The following TTF1 variants were observed in gnomAD, a reference collection of about 807,000 sequenced individuals.
TTF1 encodes the protein transcription termination factor 1, also known as transcription termination factor, RNA polymerase I.
Under a neutral mutation model 80.2 loss-of-function variants are expected in TTF1, and 64 were observed. That is an observed-to-expected ratio of 0.80 (90% CI 0.65 to 0.98). The LOEUF (loss-of-function observed/expected upper bound fraction) is 0.98. TTF1 is among the 50% of genes least tolerant of loss of function. TTF1 has a pLI of 0.00. For missense variants in TTF1, 1,023 were observed against 1,086.2 expected (o/e 0.94, Z 0.82); for synonymous variants, 372 against 382.7 (o/e 0.97, Z 0.33).
chr9:132,383,086 A>AT (rs747509919), intron 9 of TTF1, among the ~76,000 whole-genome samples: 7 of 150,032 alleles, frequency 4.7e-5, no homozygotes, highest in South Asian at 2.1e-4. Context: ...AAATTAACTA[A>AT]TTAAAAAAAA....
intron 6 of TTF1, 119 bp downstream of exon 6, chr9:132,391,957 C>A: frequency 6.8e-7 from 1 of 1,474,282 alleles, no homozygotes; most frequent in Non-Finnish European, 9.1e-7. Flanking sequence ...GCTTAAGAAA[C>A]AAAGCTCTTG....
rs1385117699 is a variant in TTF1 at position 132,384,185 on chromosome 9, T to A, written c.2378+2371A>T. On this transcript the variant is annotated intron_variant, in intron 9 of 10. Coordinates refer to ENST00000334270, the MANE Select transcript of TTF1 (RefSeq NM_007344.4). This position sits in a 1 kb window ranked among gnomAD's most constrained non-coding sequence, Gnocchi z 4.1. ...TGGGTACATGAAGCTTCATTTATTT[T>A]GTATCTGTCTAAAATTTTCCTAATA... Among the ~76,000 whole-genome samples the A allele has an allele frequency of 6.6e-6, 1 of 152,194 alleles. No homozygotes were observed. The highest frequency in any genetic ancestry group is 1.5e-5 in the Non-Finnish European group (1 of 68,034).
chr9:132,399,078 A>G (rs1267646654), intron 3 of TTF1, among the ~76,000 whole-genome samples: 1 of 151,852 alleles, frequency 6.6e-6, no homozygotes, highest in Non-Finnish European at 1.5e-5. Context: ...AGGCGCCTGT[A>G]GTCCCAGCTA....
Position 132,375,913 on chromosome 9 carries a change from C to T in TTF1, c.*2G>A. The T allele has an allele frequency of 6.4e-7, 1 of 1,553,586 alleles. No homozygotes were observed. ...GGTCAGGCCGGTCTCGAACTCCTGA[C>T]CTCAGATGATCCACCGGCCTTGGCC... On this transcript the variant is annotated 3_prime_UTR_variant, in exon 11 of 11. Coordinates refer to ENST00000334270, the MANE Select transcript of TTF1 (RefSeq NM_007344.4).
In TTF1 at chr9:132,392,106, C is replaced by T. The variant is rs200692968; in HGVS notation, c.1957G>A (p.Val653Met). ...CTGATCTGTGAGAACTTGAGGGCCA[C>T]GGAGAGGCTACTTCGGGCCACCATC... The part of the protein sequence containing the change: ...GEMVARSSLS[V>M]ALKFSQISSQ... The change falls in exon 6 of 11, where the codon GTG becomes ATG. Residue 653 changes from valine (V) to methionine (M), a missense_variant. Val to Met is a conservative substitution (Grantham distance 21). Transcript: ENST00000334270. The T allele has an allele frequency of 4.5e-5, 72 of 1,613,910 alleles. No homozygotes were observed. Among genetic ancestry groups the T allele is most frequent in the Admixed American group, 6.7e-5 (4 of 59,986 alleles).
At chr9:132,377,885 G>A (rs1849255429) in intron 10 of TTF1, among the ~76,000 whole-genome samples, 1 of 141,826 alleles carries the variant, frequency 7.1e-6, no homozygotes, top group African/African-American at 2.7e-5. Flanking sequence ...TGTGGTGTGT[G>A]TGAGTGCATG....
intron 9 of TTF1, 67 bp from the exon 10 acceptor site, chr9:132,379,211 A>G: frequency 8.6e-7 from 1 of 1,161,406 alleles, no homozygotes; most frequent in South Asian, 1.5e-5. Context: ...AATACAGTGT[A>G]GTAAGTACAT....
intron 2 of TTF1, among the ~76,000 whole-genome samples, chr9:132,400,790 T>C (rs1183997179): frequency 6.6e-6 from 1 of 152,214 alleles, no homozygotes; most frequent in Non-Finnish European, 1.5e-5. Flanking sequence ...CTAAGCCCCA[T>C]TTCCACTGGT....
intron 10 of TTF1, among the ~76,000 whole-genome samples, chr9:132,378,372 ATGT>A (rs1849286466): frequency 2.1e-5 from 1 of 46,816 alleles, no homozygotes; most frequent in Non-Finnish European, 5.6e-5. Context: ...GTGTGAATGC[ATGT>A]GGTGTGTGTG....
In TTF1 at chr9:132,386,641, T is replaced by C; in HGVS notation, c.2313-20A>G. On this transcript the variant is annotated intron_variant, in intron 8 of 10. Transcript: ENST00000334270. Reference sequence around the variant, plus strand: ...TACAACCTGTGAGAAAAAATAAAAATTAAATTTTCAAGCAAAAATAATCAT... The same window carrying C: ...TACAACCTGTGAGAAAAAATAAAAACTAAATTTTCAAGCAAAAATAATCAT... 6.3e-7 allele frequency: 1 copy of C among 1,597,198 alleles called. No individual in the cohort carries two copies. Among genetic ancestry groups the C allele is most frequent in the Non-Finnish European group, 8.6e-7 (1 of 1,166,370 alleles).
rs1318907795 is a variant in TTF1 at position 132,390,798 on chromosome 9, G to A, written c.2021C>T (p.Thr674Ile). 3 of 1,613,934 alleles carry A rather than the reference G, an allele frequency of 1.9e-6. No individual in the cohort carries two copies. The highest frequency in any genetic ancestry group is 1.1e-5 in the South Asian group (1 of 91,076). ...TTCGACAGCCTTGATTAGTTTCCGG[G>A]TTTCAGACTTACTCCAAGCACCACG... ...RNRGAWSKSETRKLIKAVEEV... is the reference protein window; with the variant it reads ...RNRGAWSKSEIRKLIKAVEEV... The change falls in exon 7 of 11, where the codon ACC becomes ATC. Residue 674 changes from threonine to isoleucine, a missense_variant. Physicochemically the swap from Thr to Ile is moderately conservative, Grantham distance 89. Transcript: ENST00000334270.
At chr9:132,387,107 GGC>G (rs1363264195) in intron 8 of TTF1, among the ~76,000 whole-genome samples, 19 of 152,036 alleles carry the variant, frequency 1.2e-4, no homozygotes, top group Non-Finnish European at 2.4e-4. Flanking sequence ...ATAAGCACGT[GGC>G]ACCATGCCCG....
rs2131652162 is a variant in TTF1, at chr9:132,401,687, A to G, written c.1135T>C (p.Phe379Leu). 1 of 1,613,838 alleles carries G rather than the reference A, an allele frequency of 6.2e-7. No homozygotes were observed. Among genetic ancestry groups the G allele is most frequent in the South Asian group, 1.1e-5 (1 of 91,058 alleles). ...TTCTTTGTACTGTTGGATTCCTTGAACCCTTTAAGAGCTGTACTGCCTTCC... is the reference window on the plus strand; with the variant it reads ...TTCTTTGTACTGTTGGATTCCTTGAGCCCTTTAAGAGCTGTACTGCCTTCC... ...TVEGSTALKG[F>L]KESNSTKKKS... is the part of the protein sequence containing the mutation. Residue 379 changes from phenylalanine to leucine, a missense_variant, in exon 2 of 11, where the codon TTC becomes CTC. By Grantham distance (22) the Phe-to-Leu change is conservative. Transcript: ENST00000334270.
rs767724101 is a variant in TTF1 at position 132,402,147 on chromosome 9, C to G, written c.675G>C (p.Lys225Asn). The change falls in exon 2 of 11, where the codon AAG (lysine) becomes AAC (asparagine). Residue 225 changes from lysine to asparagine, a missense_variant. Transcript: ENST00000334270. ...HKNKSKKKKK[K>N]SSNREYETLA... Reference sequence around the variant, plus strand: ...GTGTCTCATATTCCCGGTTACTGGACTTTTTCTTTTTTTTCTTAGACTTGT... The same window carrying G: ...GTGTCTCATATTCCCGGTTACTGGAGTTTTTCTTTTTTTTCTTAGACTTGT... 8 of 1,614,020 alleles carry G rather than the reference C, an allele frequency of 5.0e-6. No individual in the cohort carries two copies. Among genetic ancestry groups the G allele is most frequent in the Admixed American group, 3.3e-5 (2 of 59,996 alleles).
Position 132,375,875 on chromosome 9 carries a change from T to C in TTF1, c.*40A>G. The C allele has an allele frequency of 8.0e-7, 1 of 1,251,408 alleles. No homozygotes were observed. The highest frequency in any genetic ancestry group is 2.1e-5 in the Admixed American group (1 of 47,710). 77.5% of individuals were successfully genotyped at this position (1,251,408 alleles called of 1,614,324 possible). ...TTTTTGCATTTTTAATAGTGACAGG[T>C]CTTCACCATGTTGGTCAGGCCGGTC... is the stretch of plus-strand genomic sequence containing the variant. On this transcript the variant is annotated 3_prime_UTR_variant, in exon 11 of 11. Transcript: ENST00000334270.
intron 10 of TTF1, among the ~76,000 whole-genome samples, chr9:132,377,429 TGG>T: frequency 1.3e-5 from 1 of 74,746 alleles, no homozygotes; most frequent in Non-Finnish European, 2.5e-5. Flanking sequence ...TGCATGCATG[TGG>T]TGTGAGTGCA....
intron 9 of TTF1, among the ~76,000 whole-genome samples, chr9:132,385,270 G>A (rs999250875): frequency 6.6e-6 from 1 of 152,130 alleles, no homozygotes; most frequent in Non-Finnish European, 1.5e-5. Context: ...TCCCATTCAC[G>A]TGGCACTGGT....
At chr9:132,388,877 T>C (rs1409225170) in intron 7 of TTF1, among the ~76,000 whole-genome samples, 4 of 152,224 alleles carry the variant, frequency 2.6e-5, no homozygotes, top group African/African-American at 7.2e-5. Context: ...TGATAGATCA[T>C]TAGCTGTTAT....
chr9:132,389,009 G>C (rs1381929426), intron 7 of TTF1, among the ~76,000 whole-genome samples: 1 of 152,062 alleles, frequency 6.6e-6, no homozygotes, highest in Non-Finnish European at 1.5e-5. Flanking sequence ...GTTACACAAG[G>C]TAAATAAACG....
Sources: allele counts gnomAD v4.1 joint callset (sites outside exome capture counted in the v4.1 genomes callset), GRCh38; gene constraint gnomAD v4.1.1; non-coding constraint Gnocchi (gnomAD v3.1); transcripts MANE v1.5; gene names NCBI Gene and HGNC (gene_info 2026-07-23, HGNC 2026-07-21).